The following LRRC8D variants were observed in gnomAD, a reference collection of about 807,000 sequenced individuals.
LRRC8D encodes the protein leucine rich repeat containing 8 VRAC subunit D.
A neutral mutation model predicts 55.8 loss-of-function variants in LRRC8D; 20 were observed. That is an observed-to-expected ratio of 0.36 (90% CI 0.25 to 0.52). The LOEUF is 0.52. Ranked by LOEUF, LRRC8D falls within the 20% of genes least tolerant of loss-of-function variation. The pLI is 0.93. For missense variants in LRRC8D, 651 were observed against 1,030.8 expected (o/e 0.63, Z 5.05); for synonymous variants, 352 against 377.0 (o/e 0.93, Z 0.77).
intron 2 of LRRC8D, among the ~76,000 whole-genome samples, chr1:89,850,657 G>T (rs1454154380): frequency 1.3e-5 from 2 of 152,102 alleles, no homozygotes; most frequent in Non-Finnish European, 2.9e-5. Flanking sequence ...CTACTCCTTG[G>T]TGTATATGTA....
chr1:89,872,962 G>A (rs530204001), intron 2 of LRRC8D, among the ~76,000 whole-genome samples: 7 of 152,326 alleles, frequency 4.6e-5, no homozygotes, highest in African/African-American at 1.4e-4. Flanking sequence ...ATTTTAGATA[G>A]GAATCGTTTG....
At chr1:89,930,119 T>A (rs1257479138) in intron 2 of LRRC8D, among the ~76,000 whole-genome samples, 1 of 152,172 alleles carries the variant, frequency 6.6e-6, no homozygotes, top group Admixed American at 6.5e-5. Context: ...ACAAAACTTG[T>A]CTGTGGTGCC....
intron 2 of LRRC8D, among the ~76,000 whole-genome samples, chr1:89,915,311 C>T (rs2100954261): frequency 6.6e-6 from 1 of 152,198 alleles, no homozygotes; most frequent in Non-Finnish European, 1.5e-5. Context: ...TATTGTGGTC[C>T]ATCAACACAT....
At chr1:89,886,117 G>T (rs1662412382) in intron 2 of LRRC8D, among the ~76,000 whole-genome samples, 1 of 152,164 alleles carries the variant, frequency 6.6e-6, no homozygotes. Context: ...CATCCATAAT[G>T]AATCTCATTG....
intron 2 of LRRC8D, among the ~76,000 whole-genome samples, chr1:89,896,330 C>T (rs1662712024): frequency 6.6e-6 from 1 of 152,036 alleles, no homozygotes; most frequent in African/African-American, 2.4e-5. Flanking sequence ...CCTTAGAGAT[C>T]GTGTCGTCTG....
rs565706647 is a variant in LRRC8D at position 89,915,194 on chromosome 1, A to G, written c.-2-17873A>G. On this transcript the variant is annotated intron_variant, in intron 2 of 2. Transcript: ENST00000337338. ...TGGGCAAGATACTTTGTTGCCAACT[A>G]CAAATCCTAAATACCTAACAGAGTG... is the stretch of plus-strand genomic sequence containing the variant. Among the ~76,000 whole-genome samples, 7 of 152,336 alleles carry G rather than the reference A, an allele frequency of 4.6e-5. No individual in the cohort carries two copies. In the East Asian group the frequency reaches 1.3e-3, roughly 29 times the overall value.
intron 2 of LRRC8D, among the ~76,000 whole-genome samples, chr1:89,891,621 T>G (rs180929248): frequency 1.3e-5 from 2 of 152,332 alleles, no homozygotes; most frequent in Admixed American, 1.3e-4. Flanking sequence ...CCTCTACATA[T>G]ATTATTTGGA....
chr1:89,915,016 C>CTG (rs56870719), intron 2 of LRRC8D, among the ~76,000 whole-genome samples: 27,460 of 144,630 alleles, frequency 0.19, 2,551 homozygotes, highest in Middle Eastern at 0.24. Context: ...TCTTGCTCTA[C>CTG]TGTGTGTGTG....
chr1:89,929,245 G>A (rs897668314), intron 2 of LRRC8D, among the ~76,000 whole-genome samples: 1 of 152,208 alleles, frequency 6.6e-6, no homozygotes, highest in Admixed American at 6.5e-5. Flanking sequence ...TAGGAGATCA[G>A]GGAAGGCTTT....
intron 2 of LRRC8D, among the ~76,000 whole-genome samples, chr1:89,860,785 A>AT (rs59411711): frequency 5.3e-4 from 15 of 28,156 alleles, no homozygotes; most frequent in Non-Finnish European, 7.9e-4. Context: ...AAAAAAAAAA[A>AT]ATATATATAT....
chr1:89,864,128 G>A (rs1178716715), intron 2 of LRRC8D, among the ~76,000 whole-genome samples: 1 of 152,196 alleles, frequency 6.6e-6, no homozygotes, highest in Non-Finnish European at 1.5e-5. Flanking sequence ...TCAATAGTGA[G>A]GATCAAAAGA....
At chr1:89,920,525 A>C (rs1663385389) in intron 2 of LRRC8D, among the ~76,000 whole-genome samples, 3 of 152,096 alleles carry the variant, frequency 2.0e-5, no homozygotes, top group Admixed American at 2.0e-4. Context: ...AGCATTAGAA[A>C]GGAGCTATTT....
intron 1 of LRRC8D, among the ~76,000 whole-genome samples, chr1:89,827,314 C>T (rs1660787135): frequency 1.4e-5 from 2 of 146,140 alleles, no homozygotes; most frequent in Non-Finnish European, 1.5e-5. Flanking sequence ...CGCGCCATTG[C>T]ACTCCAGCCT....
In LRRC8D at chr1:89,934,916, A is replaced by G. The variant is rs1191274457; in HGVS notation, c.1848A>G (p.Leu616=). The G allele has an allele frequency of 6.2e-7, 1 of 1,614,052 alleles. No homozygotes were observed. The highest frequency in any genetic ancestry group is 8.5e-7 in the Non-Finnish European group (1 of 1,180,028). ...ATGTGGCTCCACATCTTACAAAGTT[A>G]GTCATTCATAATGACGGCACTAAAC... ...ITDVAPHLTK[L]VIHNDGTKLL... The change falls in exon 3 of 3, where the codon TTA becomes TTG. Residue 616 remains leucine, a synonymous_variant. Transcript: ENST00000337338. This position sits in a 1 kb window ranked among gnomAD's most constrained non-coding sequence, Gnocchi z 5.9.
At chr1:89,829,916 A>G (rs1232822484) in intron 1 of LRRC8D, among the ~76,000 whole-genome samples, 6 of 152,238 alleles carry the variant, frequency 3.9e-5, no homozygotes, top group Non-Finnish European at 8.8e-5. Context: ...CCCTCCTCCT[A>G]GTTAGATCTC....
chr1:89,930,078 C>A lies in LRRC8D; in HGVS notation c.-2-2989C>A, dbSNP rs571469177. ...TTTCATCCCAAAACCATCTCTCCCC[C>A]CAACCCCCATTTCTGGAAAAATTGT... On this transcript the variant is annotated intron_variant, in intron 2 of 2. Transcript: ENST00000337338. Among the ~76,000 whole-genome samples the A allele has an allele frequency of 1.2e-4, 19 of 152,308 alleles. No individual in the cohort carries two copies. In the East Asian group the frequency reaches 1.7e-3, roughly 14 times the overall value.
At chr1:89,894,675 A>T (rs991906640) in intron 2 of LRRC8D, among the ~76,000 whole-genome samples, 3 of 152,246 alleles carry the variant, frequency 2.0e-5, no homozygotes, top group African/African-American at 7.2e-5. Flanking sequence ...CATGTACATC[A>T]TCAGCACAAT....
intron 2 of LRRC8D, among the ~76,000 whole-genome samples, chr1:89,916,608 T>C (rs115131346): frequency 0.014 from 2,170 of 152,320 alleles, 52 homozygotes; most frequent in African/African-American, 0.048. Flanking sequence ...GAGATTGAGA[T>C]TAAGATCTCT....
intron 2 of LRRC8D, among the ~76,000 whole-genome samples, chr1:89,863,773 A>G (rs12077894): frequency 1.0e-3 from 159 of 152,246 alleles, no homozygotes; most frequent in African/African-American, 3.7e-3. Context: ...AGTTGCTCTG[A>G]CCCTTTGAGA....
Sources: gnomAD v4.1 joint callset for allele counts (sites outside exome capture counted in the v4.1 genomes callset) on GRCh38, gnomAD v4.1.1 for gene constraint, Gnocchi (gnomAD v3.1) non-coding constraint, MANE v1.5 for transcripts, NCBI Gene and HGNC (gene_info 2026-07-23, HGNC 2026-07-21) for gene names.